GBE1: variants seen among roughly 807,000 people sequenced by gnomAD.
GBE1 encodes the protein 1,4-alpha-glucan branching enzyme 1.
GBE1 carries 70 observed loss-of-function variants against 88.8 expected under a neutral mutation model. The ratio of observed to expected loss-of-function variants is 0.79; its 90% CI spans 0.65 to 0.96. The LOEUF (loss-of-function observed/expected upper bound fraction) is 0.96. Ranked by LOEUF, GBE1 falls within the 40% of genes least tolerant of loss-of-function variation. GBE1 has a pLI of 0.00. For synonymous variants in GBE1, 284 were observed against 300.1 expected (o/e 0.95, Z 0.56); for missense variants, 872 against 871.0 (o/e 1.00, Z -0.01).
At chr3:81,713,969 C>T (rs1257707623) in intron 1 of GBE1, among the ~76,000 whole-genome samples, 2 of 152,128 alleles carry the variant, frequency 1.3e-5, no homozygotes, top group East Asian at 1.9e-4. Flanking sequence ...AAGTCCACAA[C>T]TTGAAGATAT....
chr3:81,755,111 C>A (rs1293713319), intron 1 of GBE1, among the ~76,000 whole-genome samples: 3 of 151,958 alleles, frequency 2.0e-5, no homozygotes, highest in African/African-American at 7.2e-5. Context: ...ACAAAGAACT[C>A]AAATAATCAG....
chr3:81,694,772 G>C (rs1367695388), intron 2 of GBE1, among the ~76,000 whole-genome samples: 1 of 152,130 alleles, frequency 6.6e-6, no homozygotes, highest in African/African-American at 2.4e-5. Flanking sequence ...TTTCTACCCT[G>C]CCCTAACTCT....
chr3:81,709,322 T>TG (rs1013086295), intron 1 of GBE1, among the ~76,000 whole-genome samples: 30 of 152,114 alleles, frequency 2.0e-4, no homozygotes, highest in African/African-American at 7.2e-4. Flanking sequence ...TGTGTGTGTG[T>TG]TTTTTTAACC....
At chr3:81,737,365 A>ATTTATATATATT (rs1174788659) in intron 1 of GBE1, among the ~76,000 whole-genome samples, 15 of 35,054 alleles carry the variant, frequency 4.3e-4, no homozygotes, top group Non-Finnish European at 8.9e-4. Flanking sequence ...ATATTTATAT[A>ATTTATATATATT]TTTATATATA....
At chr3:81,621,233 G>A (rs909831342) in intron 7 of GBE1, among the ~76,000 whole-genome samples, 1 of 152,136 alleles carries the variant, frequency 6.6e-6, no homozygotes, top group Non-Finnish European at 1.5e-5. Context: ...GAGTGTATTC[G>A]AATCAACTGT....
At chr3:81,706,999 A>C (rs1249079126) in intron 1 of GBE1, among the ~76,000 whole-genome samples, 3 of 150,446 alleles carry the variant, frequency 2.0e-5, no homozygotes, top group Middle Eastern at 6.4e-3. Context: ...CAACATAGAC[A>C]AAAAAAAATG....
At chr3:81,750,577 G>GTGTA (rs1706492326) in intron 1 of GBE1, among the ~76,000 whole-genome samples, 17 of 35,216 alleles carry the variant, frequency 4.8e-4, no homozygotes, top group African/African-American at 3.3e-3. Flanking sequence ...ATATATATAC[G>GTGTA]TATATATATA....
intron 2 of GBE1, among the ~76,000 whole-genome samples, chr3:81,700,306 T>TA (rs1205713940): frequency 2.0e-5 from 3 of 152,080 alleles, no homozygotes; most frequent in Non-Finnish European, 2.9e-5. Flanking sequence ...TTCCAACCAG[T>TA]AAAAAATGAT....
rs192633967 is a variant in GBE1, at chr3:81,538,712, A to G, written c.1619-1617T>C. Among the ~76,000 whole-genome samples the G allele has an allele frequency of 3.6e-4, 55 of 152,150 alleles. No individual in the cohort carries two copies. The East Asian group carries it at 0.011, about 30-fold the overall frequency. On this transcript the variant is annotated intron_variant, in intron 12 of 15. Transcript: ENST00000429644. ...ATTGGAGCAATCTTTACTGATAATGAAGGGATTTCCAGTCTGGGAACAAGT... is the reference window on the plus strand; with the variant it reads ...ATTGGAGCAATCTTTACTGATAATGGAGGGATTTCCAGTCTGGGAACAAGT...
intron 7 of GBE1, among the ~76,000 whole-genome samples, chr3:81,614,838 G>C (rs1430683947): frequency 6.6e-6 from 1 of 152,068 alleles, no homozygotes; most frequent in Non-Finnish European, 1.5e-5. Flanking sequence ...CCCAGCCTGG[G>C]AGACAGAGTG....
At chr3:81,687,683 C>T (rs1705460116) in intron 2 of GBE1, among the ~76,000 whole-genome samples, 1 of 152,090 alleles carries the variant, frequency 6.6e-6, no homozygotes, top group Non-Finnish European at 1.5e-5. Flanking sequence ...ATGTGATTTT[C>T]CTCACTGTTC....
intron 11 of GBE1, among the ~76,000 whole-genome samples, chr3:81,579,045 A>G (rs1703686533): frequency 6.6e-6 from 1 of 151,906 alleles, no homozygotes; most frequent in Non-Finnish European, 1.5e-5. Flanking sequence ...AGCTATAATT[A>G]TTTATTTCTA....
chr3:81,501,881 T>C (rs1702591228), intron 14 of GBE1, among the ~76,000 whole-genome samples: 1 of 151,436 alleles, frequency 6.6e-6, no homozygotes, highest in Non-Finnish European at 1.5e-5. Context: ...ATATTTTTCG[T>C]AGAGATGGGG....
At chr3:81,654,530 C>A (rs997760262) in intron 3 of GBE1, 3 of 152,084 alleles carry the variant, frequency 2.0e-5, no homozygotes, top group African/African-American at 7.2e-5. Flanking sequence ...TAGCTCTAGG[C>A]TTCATGAAGG....
intron 14 of GBE1, among the ~76,000 whole-genome samples, chr3:81,510,264 T>G (rs561160364): frequency 2.0e-5 from 3 of 152,150 alleles, no homozygotes; most frequent in Admixed American, 2.0e-4. Context: ...TAAACTTTAA[T>G]ATATTTAAAA....
In GBE1 at chr3:81,508,932, C is replaced by A. The variant is rs550292679; in HGVS notation, c.1935-9705G>T. Among the ~76,000 whole-genome samples, 101 of 152,174 alleles carry A rather than the reference C, an allele frequency of 6.6e-4. 3 individuals are homozygous for A. Among genetic ancestry groups the A allele is most frequent in the Admixed American group, 6.6e-3 (101 of 15,274 alleles). On this transcript the variant is annotated intron_variant, in intron 14 of 15. Coordinates refer to ENST00000429644, the MANE Select transcript of GBE1 (RefSeq NM_000158.4). ...TCATCTGTAAATGGAGGTAACACAT[C>A]AGAGGGTGGGTGTAGAGATTAACTG... is the stretch of plus-strand genomic sequence containing the variant.
chr3:81,679,676 G>A (rs939209000), intron 2 of GBE1, among the ~76,000 whole-genome samples: 1 of 152,134 alleles, frequency 6.6e-6, no homozygotes, highest in Non-Finnish European at 1.5e-5. Context: ...GACTATAATT[G>A]TAACTCTGAT....
chr3:81,752,254 T>C (rs1346929094), intron 1 of GBE1, among the ~76,000 whole-genome samples: 2 of 152,232 alleles, frequency 1.3e-5, no homozygotes, highest in African/African-American at 4.8e-5. Context: ...CTAATTAATA[T>C]GCACATATCA....
At chr3:81,734,679 A>C (rs552361048) in intron 1 of GBE1, among the ~76,000 whole-genome samples, 1 of 152,128 alleles carries the variant, frequency 6.6e-6, no homozygotes, top group African/African-American at 2.4e-5. Flanking sequence ...GAAGACTTTT[A>C]TCACCCTGCC....
Sources: allele counts gnomAD v4.1 joint callset (sites outside exome capture counted in the v4.1 genomes callset), GRCh38; gene constraint gnomAD v4.1.1; transcripts MANE v1.5; gene names NCBI Gene and HGNC (gene_info 2026-07-23, HGNC 2026-07-21).